Variants in MOB3B observed in about 807,000 individuals in gnomAD.
MOB3B encodes MOB kinase activator 3B, also known as MOB kinase activator-like 2B.
A neutral mutation model predicts 18.7 loss-of-function variants in MOB3B; 7 were observed. The observed-to-expected ratio is 0.37, with a 90% CI of 0.21 to 0.70. MOB3B has a LOEUF of 0.70. Among genes scored for constraint, MOB3B ranks in the 30% least tolerant of loss-of-function variants. The pLI, the probability that MOB3B is intolerant of heterozygous loss-of-function variation, is 0.52. For synonymous variants in MOB3B, 111 were observed against 99.9 expected (o/e 1.11, Z -0.66); for missense variants, 253 against 281.3 (o/e 0.90, Z 0.72).
At chr9:27,333,519 T>C (rs1820819414) in intron 3 of MOB3B, among the ~76,000 whole-genome samples, 1 of 152,146 alleles carries the variant, frequency 6.6e-6, no homozygotes, top group African/African-American at 2.4e-5. Flanking sequence ...GAATTTGCCA[T>C]TGCTGGAGTT....
At chr9:27,359,379 G>GC (rs202178671) in intron 2 of MOB3B, 143 bp from the exon 3 acceptor site, 2 of 182,098 alleles carry the variant, frequency 1.1e-5, no homozygotes, top group African/African-American at 3.9e-5. Context: ...GTGTGTGTGT[G>GC]GGGGGGGGGG....
intron 1 of MOB3B, chr9:27,524,617 C>G (rs113025728): frequency 1.2e-6 from 2 of 1,614,076 alleles, no homozygotes; most frequent in East Asian, 4.5e-5. Context: ...TCCCTACAGG[C>G]CTTCAACATC....
chr9:27,354,152 G>T (rs2131350915), intron 3 of MOB3B, among the ~76,000 whole-genome samples: 1 of 152,380 alleles, frequency 6.6e-6, no homozygotes, highest in African/African-American at 2.4e-5. Context: ...CATGAGGCAA[G>T]CTCTGGGGGT....
chr9:27,521,398 C>T (rs75741240), intron 1 of MOB3B, among the ~76,000 whole-genome samples: 4,040 of 152,214 alleles, frequency 0.027, 93 homozygotes, highest in African/African-American at 0.055. Context: ...ATGAGCAGAA[C>T]TGAACAATCT....
At chr9:27,373,380 C>T (rs902679465) in intron 2 of MOB3B, among the ~76,000 whole-genome samples, 1 of 152,206 alleles carries the variant, frequency 6.6e-6, no homozygotes, top group Admixed American at 6.5e-5. Flanking sequence ...AATTTAATAG[C>T]TAACAATAGC....
Position 27,529,772 on chromosome 9 carries a change from C to G in MOB3B, c.-416G>C, listed in dbSNP as rs114477006. On this transcript the variant is annotated 5_prime_UTR_variant, in exon 1 of 4. Coordinates refer to ENST00000262244, the MANE Select transcript of MOB3B (RefSeq NM_024761.5). ...AGCCGCCGTCGCTCCGGAGCAGCCC[C>G]CTCATGCACCCAGCGCGCCGCGCAG... The G allele has an allele frequency of 8.6e-3, 8,450 of 985,372 alleles. 497 individuals are homozygous for G. The African/African-American group carries it at 0.13, about 15-fold the overall frequency. 61.0% of individuals were successfully genotyped at this position (985,372 alleles called of 1,614,324 possible).
At chr9:27,470,308 T>C (rs1819452139) in intron 1 of MOB3B, among the ~76,000 whole-genome samples, 1 of 152,048 alleles carries the variant, frequency 6.6e-6, no homozygotes, top group Admixed American at 6.5e-5. Context: ...ATTATTTATC[T>C]CTTCTGCAGC....
At chr9:27,450,895 T>C (rs1465096638) in intron 2 of MOB3B, among the ~76,000 whole-genome samples, 1 of 152,210 alleles carries the variant, frequency 6.6e-6, no homozygotes, top group Non-Finnish European at 1.5e-5. Flanking sequence ...GCACAGGGCT[T>C]GGTATTTAGC....
At chr9:27,337,593 C>G (rs773895050) in intron 3 of MOB3B, among the ~76,000 whole-genome samples, 24 of 152,216 alleles carry the variant, frequency 1.6e-4, no homozygotes, top group Non-Finnish European at 3.1e-4. Context: ...GCAAGTCCCT[C>G]TGGACTGGGT....
chr9:27,460,957 T>C (rs1440799718), intron 1 of MOB3B, among the ~76,000 whole-genome samples: 1 of 152,204 alleles, frequency 6.6e-6, no homozygotes, highest in African/African-American at 2.4e-5. Context: ...TGTCAATCTG[T>C]AAGCTCACTG....
At chr9:27,368,458 T>G (rs761964157) in intron 2 of MOB3B, among the ~76,000 whole-genome samples, 1 of 152,164 alleles carries the variant, frequency 6.6e-6, no homozygotes, top group Non-Finnish European at 1.5e-5. Context: ...CGAGGATTGA[T>G]TCCTCTTAGC....
chr9:27,491,162 A>G (rs769534740), intron 1 of MOB3B, among the ~76,000 whole-genome samples: 17 of 152,248 alleles, frequency 1.1e-4, no homozygotes, highest in South Asian at 8.3e-4. Flanking sequence ...TATGCAATCC[A>G]TAACTAAAAA....
At chr9:27,404,742 G>A (rs1356336265) in intron 2 of MOB3B, among the ~76,000 whole-genome samples, 2 of 152,076 alleles carry the variant, frequency 1.3e-5, no homozygotes, top group East Asian at 1.9e-4. Flanking sequence ...AAAGATGGGG[G>A]TGCAAATACT....
At chr9:27,491,522 T>C (rs1172563976) in intron 1 of MOB3B, among the ~76,000 whole-genome samples, 1 of 152,146 alleles carries the variant, frequency 6.6e-6, no homozygotes, top group Non-Finnish European at 1.5e-5. Context: ...AAAAAAGACA[T>C]ATATCTGTAT....
At chr9:27,493,309 C>T (rs1819847694) in intron 1 of MOB3B, among the ~76,000 whole-genome samples, 1 of 152,136 alleles carries the variant, frequency 6.6e-6, no homozygotes, top group Non-Finnish European at 1.5e-5. Context: ...TTTATAATTT[C>T]TTATGCCTGT....
At chr9:27,529,235 A>T (rs1820491617) in intron 1 of MOB3B, among the ~76,000 whole-genome samples, 1 of 152,006 alleles carries the variant, frequency 6.6e-6, no homozygotes, top group African/African-American at 2.4e-5. Context: ...ACCCCGAAAG[A>T]AGGACGATCT....
At chr9:27,425,383 A>C (rs935261538) in intron 2 of MOB3B, among the ~76,000 whole-genome samples, 14 of 143,788 alleles carry the variant, frequency 9.7e-5, no homozygotes, top group Admixed American at 5.5e-4. Flanking sequence ...CAAAAAAAAA[A>C]AAAAAACAAA....
chr9:27,416,198 A>G (rs1822144522), intron 2 of MOB3B, among the ~76,000 whole-genome samples: 1 of 152,194 alleles, frequency 6.6e-6, no homozygotes, highest in Non-Finnish European at 1.5e-5. Flanking sequence ...ATTGCAGTTA[A>G]GCATAAAGAT....
chr9:27,423,499 T>C (rs889122019), intron 2 of MOB3B, among the ~76,000 whole-genome samples: 1 of 152,038 alleles, frequency 6.6e-6, no homozygotes, highest in African/African-American at 2.4e-5. Context: ...TCACCTTACT[T>C]ATACCCTGAT....
Sources: gnomAD v4.1 joint callset for allele counts (sites outside exome capture counted in the v4.1 genomes callset) on GRCh38, gnomAD v4.1.1 for gene constraint, MANE v1.5 for transcripts, NCBI Gene and HGNC (gene_info 2026-07-23, HGNC 2026-07-21) for gene names.